CCDC39: variants seen among roughly 807,000 people sequenced by gnomAD.
CCDC39 encodes coiled-coil domain-containing protein 39.
CCDC39 carries 113 observed loss-of-function variants against 121.0 expected under a neutral mutation model. The ratio of observed to expected loss-of-function variants is 0.93; its 90% CI spans 0.80 to 1.09. The LOEUF is 1.09. CCDC39 is among the 50% of genes least tolerant of loss of function. The pLI is 0.00. For missense variants in CCDC39, 1,063 were observed against 1,074.7 expected (o/e 0.99, Z 0.15); for synonymous variants, 349 against 352.2 (o/e 0.99, Z 0.10).
At chr3:180,650,829 C>T (rs918545332) in intron 9 of CCDC39, among the ~76,000 whole-genome samples, 1 of 151,260 alleles carries the variant, frequency 6.6e-6, no homozygotes, top group Non-Finnish European at 1.5e-5. Flanking sequence ...TGCACTCCAG[C>T]CTAGGGGATA....
At chr3:180,635,608 G>C (rs1430500812) in intron 13 of CCDC39, among the ~76,000 whole-genome samples, 1 of 152,162 alleles carries the variant, frequency 6.6e-6, no homozygotes, top group African/African-American at 2.4e-5. Flanking sequence ...ACTCCTTAAA[G>C]CTCCAGAATA....
chr3:180,627,791 T>C (rs563074181), intron 14 of CCDC39, among the ~76,000 whole-genome samples: 19 of 152,278 alleles, frequency 1.2e-4, no homozygotes, highest in African/African-American at 4.1e-4. Context: ...AGGAGCTTAC[T>C]ACAAGACCAA....
intron 9 of CCDC39, among the ~76,000 whole-genome samples, chr3:180,651,085 C>A (rs1390717623): frequency 6.6e-6 from 1 of 151,866 alleles, no homozygotes. Flanking sequence ...ATCCCAACTA[C>A]TCGGGAGGCT....
At chr3:180,619,461 A>G (rs1717363024) in intron 15 of CCDC39, 96 bp from the exon 16 acceptor site, 1 of 711,408 alleles carries the variant, frequency 1.4e-6, no homozygotes, top group South Asian at 1.7e-5. Flanking sequence ...TTTTGTTATG[A>G]AAGTTTAAAT....
At chr3:180,673,690 T>C (rs1258945153) in intron 1 of CCDC39, among the ~76,000 whole-genome samples, 1 of 152,126 alleles carries the variant, frequency 6.6e-6, no homozygotes, top group African/African-American at 2.4e-5. Flanking sequence ...AACGAAGGTA[T>C]GTGATCTAGG....
At position 180,614,182 on chromosome 3, in the gene CCDC39, C is replaced by G. The variant is rs1481848307; in HGVS notation, c.*739G>C. On this transcript the variant is annotated 3_prime_UTR_variant, in exon 20 of 20. Transcript: ENST00000476379. ...CTATTGCAAATCAAGTCATACCTAG[C>G]TTTCATTAAATCGTTTATTAAATCA... 6.2e-6 allele frequency: 1 copy of G among 161,316 alleles called. No homozygotes were observed. The highest frequency in any genetic ancestry group is 1.4e-5 in the Non-Finnish European group (1 of 73,360). The allele number at this position is 161,316 out of a possible 1,614,324, so 10.0% of individuals were successfully genotyped here. A position where few individuals can be genotyped will look rare whatever the true frequency, so the allele number is the denominator to read the frequency against.
intron 2 of CCDC39, among the ~76,000 whole-genome samples, chr3:180,662,929 C>T (rs899136733): frequency 6.6e-6 from 1 of 152,088 alleles, no homozygotes; most frequent in African/African-American, 2.4e-5. Flanking sequence ...TAGTTTGAGA[C>T]AGAAGTTAGA....
intron 7 of CCDC39, 117 bp downstream of exon 7, chr3:180,654,645 G>GAAAAA: frequency 8.9e-6 from 4 of 448,768 alleles, no homozygotes; most frequent in Non-Finnish European, 1.4e-5. Context: ...AAAGAAAAAG[G>GAAAAA]AAAAAAAAAA....
intron 9 of CCDC39, among the ~76,000 whole-genome samples, chr3:180,650,347 G>A (rs1188936707): frequency 1.3e-5 from 2 of 152,158 alleles, no homozygotes; most frequent in Admixed American, 1.3e-4. Flanking sequence ...TAAAGAGATA[G>A]TAGATGATAA....
At chr3:180,619,211 G>T in intron 16 of CCDC39, 48 bp downstream of exon 16, 2 of 846,026 alleles carry the variant, frequency 2.4e-6, no homozygotes, top group Non-Finnish European at 3.9e-6. Flanking sequence ...AGTAATGATA[G>T]TTGACTTTTA....
intron 8 of CCDC39, 26 bp from the exon 9 acceptor site, chr3:180,651,559 T>C (rs374351826): frequency 1.1e-4 from 159 of 1,496,410 alleles, no homozygotes; most frequent in Non-Finnish European, 1.3e-4. Context: ...CACAAAAAGA[T>C]AGAAAACGTG....
chr3:180,618,483 TG>T (rs1428248394), intron 16 of CCDC39, among the ~76,000 whole-genome samples: 4 of 152,106 alleles, frequency 2.6e-5, no homozygotes, highest in Non-Finnish European at 1.5e-5. Context: ...TGTATACATG[TG>T]CCATGTTGGT....
rs1717699462 is a variant in CCDC39 at position 180,631,597 on chromosome 3, T to C, written c.1875-5A>G. On this transcript the variant is annotated splice_polypyrimidine_tract_variant and splice_region_variant and intron_variant, in intron 13 of 19. Transcript: ENST00000476379. ...AGCCGCTCGCGAAACTCAGTGCTAA[T>C]AAGAAAAAGAAACACTGAGAAATGA... 6.3e-7 allele frequency: 1 copy of C among 1,599,978 alleles called. No individual in the cohort carries two copies. The highest frequency in any genetic ancestry group is 1.3e-5 in the African/African-American group (1 of 74,522).
chr3:180,654,684 G>T, intron 7 of CCDC39, 78 bp downstream of exon 7: 2 of 949,104 alleles, frequency 2.1e-6, no homozygotes, highest in Non-Finnish European at 1.5e-6. Context: ...TTTATCACAG[G>T]AAAAGCTTTA....
chr3:180,671,210 CAAAAAAAA>C (rs67323828), intron 1 of CCDC39, among the ~76,000 whole-genome samples: 1 of 78,404 alleles, frequency 1.3e-5, no homozygotes, highest in Non-Finnish European at 2.7e-5. Context: ...GACTCTGTGT[CAAAAAAAA>C]AAAAAAAAAA....
chr3:180,640,338 G>C (rs1041633848), intron 13 of CCDC39, among the ~76,000 whole-genome samples: 5 of 152,034 alleles, frequency 3.3e-5, no homozygotes, highest in African/African-American at 9.7e-5. Context: ...ATAATACTTA[G>C]AGGGTTTTTT....
chr3:180,670,377 C>A (rs960697239), intron 1 of CCDC39, among the ~76,000 whole-genome samples: 4 of 151,608 alleles, frequency 2.6e-5, no homozygotes, highest in African/African-American at 9.7e-5. Flanking sequence ...CAAAAGCTGA[C>A]AATTTTCTAT....
Position 180,648,329 on chromosome 3 carries a change from C to T in CCDC39, c.1198G>A (p.Gly400Ser), listed in dbSNP as rs147383873. The change falls in exon 10 of 20, where the codon GGT (glycine) becomes AGT (serine). Residue 400 changes from glycine (G) to serine (S), a missense_variant. Transcript: ENST00000476379. ...EVDVQLNLIKGVLFKKAQELQ... is the reference protein window; with the variant it reads ...EVDVQLNLIKSVLFKKAQELQ... ...TCCTGAGCTTTCTTAAACAGCACAC[C>T]TTTTATGAGGTTCAGTTGAACATCT... 1.9e-6 allele frequency: 3 copies of T among 1,589,508 alleles called. No individual in the cohort carries two copies. The highest frequency in any genetic ancestry group is 1.7e-6 in the Non-Finnish European group (2 of 1,168,848).
Position 180,659,508 on chromosome 3 carries a change from C to G in CCDC39, c.682G>C (p.Glu228Gln). The G allele has an allele frequency of 6.2e-7, 1 of 1,613,488 alleles. No homozygotes were observed. The highest frequency in any genetic ancestry group is 1.3e-5 in the African/African-American group (1 of 75,046). ...TTCTGCATCTGTTCTATTGTGTTCT[C>G]CCATTGTTTAATGAGTTCTTGTCTT... The part of the protein sequence containing the change: ...NERQELIKQW[E>Q]NTIEQMQKRD... The change falls in exon 6 of 20, where the codon GAG (glutamate) becomes CAG (glutamine). Residue 228 changes from glutamate to glutamine, a missense_variant. Glu to Gln is a conservative substitution (Grantham distance 29). Transcript: ENST00000476379.
Sources: gnomAD v4.1 joint callset for allele counts (sites outside exome capture counted in the v4.1 genomes callset) on GRCh38, gnomAD v4.1.1 for gene constraint, MANE v1.5 for transcripts, NCBI Gene and HGNC (gene_info 2026-07-23, HGNC 2026-07-21) for gene names.